Variants in WDFY1 observed in about 807,000 individuals in gnomAD.
WDFY1 encodes the protein WD repeat and FYVE domain-containing protein 1.
In WDFY1, 32 loss-of-function variants were observed where a neutral mutation model predicts 56.4. The observed-to-expected ratio is 0.57, with a 90% CI of 0.43 to 0.76. The LOEUF (loss-of-function observed/expected upper bound fraction) is 0.76. Ranked by LOEUF, WDFY1 falls within the 30% of genes least tolerant of loss-of-function variation. WDFY1 has a pLI of 0.00. For missense variants in WDFY1, 480 were observed against 545.7 expected (o/e 0.88, Z 1.20); for synonymous variants, 192 against 197.3 (o/e 0.97, Z 0.23).
chr2:223,880,139 G>C lies in WDFY1; in HGVS notation c.1158C>G (p.Thr386=), dbSNP rs139215571. The C allele has an allele frequency of 3.1e-6, 5 of 1,613,820 alleles. No individual in the cohort carries two copies. Among genetic ancestry groups the C allele is most frequent in the Non-Finnish European group, 3.4e-6 (4 of 1,179,898 alleles). The stretch of plus-strand genomic sequence containing the variant: ...GCCAGCTTACCTTTACAATGCGGTC[G>C]GTCCCACAGGTCACCATCAGTCCCC... ...IARGLMVTCG[T]DRIVKIWDMT... is the part of the protein sequence containing the mutation. The change falls in exon 11 of 12, where the codon ACC becomes ACG. Residue 386 remains threonine, a synonymous_variant. Transcript: ENST00000233055.
intron 3 of WDFY1, among the ~76,000 whole-genome samples, chr2:223,908,737 T>G (rs1693642754): frequency 6.6e-6 from 1 of 152,168 alleles, no homozygotes. Context: ...ACCCTGAGGT[T>G]CCAGCACACA....
In WDFY1 at chr2:223,878,474, G is replaced by T. The variant is rs1693008012; in HGVS notation, c.*197C>A. 2 of 551,942 alleles carry T rather than the reference G, an allele frequency of 3.6e-6. No homozygotes were observed. The highest frequency in any genetic ancestry group is 1.9e-5 in the African/African-American group (1 of 52,206). The allele number at this position is 551,942 out of a possible 1,614,324, so 34.2% of individuals were successfully genotyped here. On this transcript the variant is annotated 3_prime_UTR_variant, in exon 12 of 12. Coordinates refer to ENST00000233055, the MANE Select transcript of WDFY1 (RefSeq NM_020830.5). ...AGTCTTCAGGGAACCACTATGGACAGACCTTTTCCATATTAGTCCCCATGG... is the reference window on the plus strand; with the variant it reads ...AGTCTTCAGGGAACCACTATGGACATACCTTTTCCATATTAGTCCCCATGG...
chr2:223,880,276 C>T (rs761355075), intron 10 of WDFY1, 44 bp from the exon 11 acceptor site: 1 of 1,578,054 alleles, frequency 6.3e-7, no homozygotes, highest in Non-Finnish European at 8.7e-7. Flanking sequence ...TTGACTGTAC[C>T]TAGAGCTAGT....
At chr2:223,885,783 G>C (rs1320243966) in intron 8 of WDFY1, among the ~76,000 whole-genome samples, 1 of 152,132 alleles carries the variant, frequency 6.6e-6, no homozygotes, top group Non-Finnish European at 1.5e-5. Context: ...GCTCTGGGTA[G>C]GGACTATGCC....
At chr2:223,935,612 G>A (rs564852739) in intron 1 of WDFY1, among the ~76,000 whole-genome samples, 8 of 152,320 alleles carry the variant, frequency 5.3e-5, no homozygotes, top group Non-Finnish European at 1.0e-4. Context: ...TGTCTACTGT[G>A]CAGAAATGGT....
intron 4 of WDFY1, 26 bp downstream of exon 4, chr2:223,905,921 C>A: frequency 6.7e-7 from 1 of 1,489,642 alleles, no homozygotes; most frequent in Non-Finnish European, 9.1e-7. Flanking sequence ...TGTATGTGTA[C>A]GCAAGATAAT....
In WDFY1 at chr2:223,945,263, T is replaced by C. The variant is rs970352050; in HGVS notation, c.22A>G (p.Arg8Gly). MAAEIHS[R>G]PQSSRPVLLS... is the part of the protein sequence containing the mutation. ...AGCACCGGGCGGCTGCTCTGCGGCC[T>C]GGAGTGGATTTCGGCCGCCATGTTC... is the stretch of plus-strand genomic sequence containing the variant. The change falls in exon 1 of 12, where the codon AGG becomes GGG. Residue 8 changes from arginine to glycine, a missense_variant. By Grantham distance (125) the Arg-to-Gly change is moderately radical (BLOSUM62 -2). Coordinates refer to ENST00000233055, the MANE Select transcript of WDFY1 (RefSeq NM_020830.5). The C allele has an allele frequency of 3.8e-6, 6 of 1,580,782 alleles. No homozygotes were observed. The highest frequency in any genetic ancestry group is 5.1e-6 in the Non-Finnish European group (6 of 1,169,136).
At chr2:223,901,033 C>T in intron 5 of WDFY1, 150 bp downstream of exon 5, 6 of 917,212 alleles carry the variant, frequency 6.5e-6, no homozygotes, top group South Asian at 6.5e-5. Context: ...AATTACTTTC[C>T]ATGGTAAAAA....
chr2:223,924,320 CTA>C lies in WDFY1; in HGVS notation c.138-6312_138-6311del, dbSNP rs143171272. Reference sequence around the variant, plus strand: ...TGAGAAAAGGTATCTCCATATATGACTATGTTATACATATATAACTTACAGGG... The same window carrying C: ...TGAGAAAAGGTATCTCCATATATGACTGTTATACATATATAACTTACAGGG... On this transcript the variant is annotated intron_variant, in intron 1 of 11. Coordinates refer to ENST00000233055, the MANE Select transcript of WDFY1 (RefSeq NM_020830.5). Among the ~76,000 whole-genome samples the C allele has an allele frequency of 7.6e-3, 1,154 of 152,286 alleles. 13 individuals are homozygous for C. The highest frequency in any genetic ancestry group is 0.026 in the African/African-American group (1,086 of 41,546).
chr2:223,899,716 T>G (rs1693471264), intron 5 of WDFY1, among the ~76,000 whole-genome samples: 1 of 151,226 alleles, frequency 6.6e-6, no homozygotes. Flanking sequence ...ACTGTACCAC[T>G]CCAGCCTGGG....
chr2:223,893,367 A>AG (rs977187031), intron 8 of WDFY1, among the ~76,000 whole-genome samples: 3 of 151,854 alleles, frequency 2.0e-5, no homozygotes, highest in African/African-American at 7.3e-5. Context: ...AAAAAAAAAA[A>AG]AAAAATTGAA....
At chr2:223,886,139 T>C (rs1693170900) in intron 8 of WDFY1, among the ~76,000 whole-genome samples, 1 of 150,222 alleles carries the variant, frequency 6.7e-6, no homozygotes, top group African/African-American at 2.5e-5. Flanking sequence ...AGGTCAGGAG[T>C]TCAAGCCTGG....
intron 8 of WDFY1, 124 bp downstream of exon 8, chr2:223,894,110 G>T: frequency 1.2e-6 from 1 of 842,948 alleles, no homozygotes; most frequent in Non-Finnish European, 1.9e-6. Context: ...CCCATTAGCA[G>T]AAGGGGAAGC....
intron 5 of WDFY1, chr2:223,900,760 T>C (rs192998515): frequency 1.9e-5 from 3 of 159,590 alleles, no homozygotes; most frequent in East Asian, 1.9e-4. Flanking sequence ...AAATAACCAA[T>C]TACTAGAAGA....
rs769574843 is a variant in WDFY1, at chr2:223,884,624, G to A, written c.933+24C>T. On this transcript the variant is annotated intron_variant, in intron 9 of 11. Transcript: ENST00000233055. ...TAGTGAAATACACAATCAAGCCAGA[G>A]ATGACTCGACAGTGGCTACTCACTT... 7 of 1,607,128 alleles carry A rather than the reference G, an allele frequency of 4.4e-6. No homozygotes were observed. In the East Asian group the frequency reaches 1.6e-4, roughly 36 times the overall value.
At chr2:223,897,385 TATA>T (rs1559165993) in intron 6 of WDFY1, among the ~76,000 whole-genome samples, 5 of 99,802 alleles carry the variant, frequency 5.0e-5, no homozygotes, top group Admixed American at 9.8e-5. Flanking sequence ...TATATATATA[TATA>T]TATTTTTTAA....
At chr2:223,916,069 C>A (rs1040962970) in intron 2 of WDFY1, among the ~76,000 whole-genome samples, 2 of 152,134 alleles carry the variant, frequency 1.3e-5, no homozygotes, top group Admixed American at 6.5e-5. Flanking sequence ...GTATTATAAG[C>A]CTTTACTCTT....
At chr2:223,896,409 T>G (rs1260441593) in intron 6 of WDFY1, among the ~76,000 whole-genome samples, 1 of 152,140 alleles carries the variant, frequency 6.6e-6, no homozygotes, top group African/African-American at 2.4e-5. Flanking sequence ...TGTCTATGTT[T>G]AAGCAAATTA....
intron 4 of WDFY1, 50 bp from the exon 5 acceptor site, chr2:223,901,383 A>G: frequency 5.0e-6 from 8 of 1,604,942 alleles, no homozygotes; most frequent in African/African-American, 1.3e-5. Flanking sequence ...ACAGCACTCT[A>G]TGGGGAAGAA....
Sources: allele counts gnomAD v4.1 joint callset (sites outside exome capture counted in the v4.1 genomes callset), GRCh38; gene constraint gnomAD v4.1.1; transcripts MANE v1.5; gene names NCBI Gene and HGNC (gene_info 2026-07-23, HGNC 2026-07-21).